Variants in FSTL4 observed in about 807,000 individuals in gnomAD.
FSTL4 encodes the protein follistatin-related protein 4.
Under a neutral mutation model 78.2 loss-of-function variants are expected in FSTL4, and 28 were observed. The ratio of observed to expected loss-of-function variants is 0.36; its 90% CI spans 0.27 to 0.49. The LOEUF is 0.49. FSTL4 is among the 20% of genes least tolerant of loss of function. The pLI is 0.98. For missense variants in FSTL4, 922 were observed against 1,084.9 expected (o/e 0.85, Z 2.11); for synonymous variants, 422 against 440.5 (o/e 0.96, Z 0.53).
At chr5:133,324,747 G>A (rs17166570) in intron 4 of FSTL4, among the ~76,000 whole-genome samples, 11,825 of 152,322 alleles carry the variant, frequency 0.078, 568 homozygotes, top group African/African-American at 0.13. Flanking sequence ...TGGGCTTGGA[G>A]AGTGGCTACG....
chr5:133,303,044 C>T (rs377637848), intron 6 of FSTL4, among the ~76,000 whole-genome samples: 11 of 152,220 alleles, frequency 7.2e-5, no homozygotes, highest in African/African-American at 1.4e-4. Context: ...GCCAGCTCTT[C>T]GAGGTCACCC....
intron 6 of FSTL4, 53 bp downstream of exon 6, chr5:133,312,601 G>C: frequency 3.8e-6 from 6 of 1,579,982 alleles, no homozygotes; most frequent in Non-Finnish European, 5.2e-6. Flanking sequence ...ACAGCATTTT[G>C]GTGCAGAAGC....
chr5:133,240,018 T>C (rs1197217657), intron 7 of FSTL4, among the ~76,000 whole-genome samples: 1 of 152,188 alleles, frequency 6.6e-6, no homozygotes, highest in Admixed American at 6.5e-5. Flanking sequence ...TTCCACGCAG[T>C]GGAAGCTTTG....
At chr5:133,461,002 A>C (rs1031675550) in intron 3 of FSTL4, among the ~76,000 whole-genome samples, 4 of 152,224 alleles carry the variant, frequency 2.6e-5, no homozygotes, top group Admixed American at 1.3e-4. Flanking sequence ...AGCAACATTG[A>C]AGGTTAAATA....
At chr5:133,837,428 T>C in the FSTL4 span, among the ~76,000 whole-genome samples, 444 of 152,308 alleles carry the variant, frequency 2.9e-3, 4 homozygotes, top group African/African-American at 0.01. Flanking sequence ...TGGTTTTCAG[T>C]CAATTATTGT....
intron 3 of FSTL4, among the ~76,000 whole-genome samples, chr5:133,508,722 T>C (rs577851268): frequency 1.3e-5 from 2 of 152,372 alleles, no homozygotes; most frequent in Admixed American, 1.3e-4. Flanking sequence ...TTTTAGTATC[T>C]GTGGAAGTCC....
At chr5:133,328,871 C>T (rs1298216033) in intron 4 of FSTL4, among the ~76,000 whole-genome samples, 1 of 152,182 alleles carries the variant, frequency 6.6e-6, no homozygotes, top group Admixed American at 6.5e-5. Flanking sequence ...TCCTCCCAAA[C>T]ATCTAACTAA....
chr5:133,513,964 G>A (rs776078998), intron 3 of FSTL4, among the ~76,000 whole-genome samples: 1 of 152,112 alleles, frequency 6.6e-6, no homozygotes, highest in Non-Finnish European at 1.5e-5. Flanking sequence ...GGATCACGAG[G>A]TCAGGAGATC....
At chr5:133,625,433 G>A in the FSTL4 span, among the ~76,000 whole-genome samples, 1 of 151,292 alleles carries the variant, frequency 6.6e-6, no homozygotes, top group South Asian at 2.1e-4. Context: ...TTCTTTGTTT[G>A]ATGTCTATAG....
chr5:133,517,076 C>CA (rs33961033), intron 3 of FSTL4, among the ~76,000 whole-genome samples: 25,158 of 137,870 alleles, frequency 0.18, 2,588 homozygotes, highest in African/African-American at 0.31. Flanking sequence ...GACCCTGTCT[C>CA]AAAAAAAAAA....
At chr5:133,391,747 T>C (rs534246184) in intron 4 of FSTL4, among the ~76,000 whole-genome samples, 1 of 152,174 alleles carries the variant, frequency 6.6e-6, no homozygotes, top group South Asian at 2.1e-4. Flanking sequence ...GGGATACTCT[T>C]CCCCCAGATA....
chr5:133,517,131 T>C (rs559863394), intron 3 of FSTL4, among the ~76,000 whole-genome samples: 1 of 150,332 alleles, frequency 6.7e-6, no homozygotes, highest in South Asian at 2.1e-4. Flanking sequence ...GACTAAAAAA[T>C]GTACAAACTG....
intron 3 of FSTL4, among the ~76,000 whole-genome samples, chr5:133,441,867 G>T (rs920219511): frequency 6.6e-6 from 1 of 152,170 alleles, no homozygotes; most frequent in Non-Finnish European, 1.5e-5. Context: ...GTCCAGGCTG[G>T]CAGGGCCTGG....
chr5:133,665,017 G>T, the FSTL4 span, among the ~76,000 whole-genome samples: 9 of 152,154 alleles, frequency 5.9e-5, no homozygotes, highest in Non-Finnish European at 7.3e-5. Context: ...ACTCCAACAC[G>T]CATTTGGTGG....
chr5:133,799,871 G>A, the FSTL4 span, among the ~76,000 whole-genome samples: 3 of 138,892 alleles, frequency 2.2e-5, no homozygotes, highest in Non-Finnish European at 4.8e-5. Flanking sequence ...GATGCGACAC[G>A]TGCCATGTAC....
At chr5:133,560,006 A>G (rs184172322) in intron 3 of FSTL4, among the ~76,000 whole-genome samples, 66 of 152,332 alleles carry the variant, frequency 4.3e-4, no homozygotes, top group Middle Eastern at 3.4e-3. Flanking sequence ...CAGCCCTGGG[A>G]CATGCCAGGC....
intron 7 of FSTL4, among the ~76,000 whole-genome samples, chr5:133,241,456 C>T (rs1751871241): frequency 1.3e-5 from 2 of 152,210 alleles, no homozygotes; most frequent in Non-Finnish European, 2.9e-5. Context: ...TACACAGAGG[C>T]CCAGGCACCT....
At chr5:133,805,301 G>A in the FSTL4 span, among the ~76,000 whole-genome samples, 12 of 152,012 alleles carry the variant, frequency 7.9e-5, no homozygotes, top group Admixed American at 3.9e-4. Context: ...GCTATTACCC[G>A]GAAAGAGCCT....
intron 14 of FSTL4, among the ~76,000 whole-genome samples, chr5:133,206,969 GTTTTCC>G (rs1750534989): frequency 6.6e-6 from 1 of 152,040 alleles, no homozygotes; most frequent in East Asian, 1.9e-4. Context: ...ACCATTGGTA[GTTTTCC>G]TTTTAATTTC....
Sources: allele counts gnomAD v4.1 joint callset (sites outside exome capture counted in the v4.1 genomes callset), GRCh38; gene constraint gnomAD v4.1.1; transcripts MANE v1.5; gene names NCBI Gene and HGNC (gene_info 2026-07-23, HGNC 2026-07-21).